CCSER1: variants seen among roughly 807,000 people sequenced by gnomAD.
CCSER1 encodes coiled-coil serine rich protein 1, also known as serine-rich coiled-coil domain-containing protein 1.
CCSER1 carries 41 observed loss-of-function variants against 82.0 expected under a neutral mutation model. The observed-to-expected ratio is 0.50, with a 90% CI of 0.39 to 0.65. CCSER1 has a LOEUF of 0.65. Among genes scored for constraint, CCSER1 ranks in the 30% least tolerant of loss-of-function variants. CCSER1 has a pLI of 0.00. For synonymous variants in CCSER1, 414 were observed against 383.9 expected, an observed-to-expected ratio of 1.08 and a Z score of -0.92; for missense variants, 1,119 against 1,064.2, an observed-to-expected ratio of 1.05 and a Z score of -0.72.
At chr4:90,652,166 G>A (rs1728874811) in intron 6 of CCSER1, among the ~76,000 whole-genome samples, 1 of 151,906 alleles carries the variant, frequency 6.6e-6, no homozygotes, top group Non-Finnish European at 1.5e-5. Context: ...TAATTTATAA[G>A]TAAATTTTAA....
intron 6 of CCSER1, among the ~76,000 whole-genome samples, chr4:90,684,751 G>A (rs1734497887): frequency 6.6e-6 from 1 of 152,058 alleles, no homozygotes; most frequent in South Asian, 2.1e-4. Context: ...ATTGAATCAT[G>A]GGGGCAGATA....
chr4:90,412,631 G>C (rs1755065195), intron 4 of CCSER1, among the ~76,000 whole-genome samples: 1 of 151,370 alleles, frequency 6.6e-6, no homozygotes, highest in South Asian at 2.1e-4. Context: ...TGACACACAA[G>C]CAAAACAGAA....
intron 10 of CCSER1, among the ~76,000 whole-genome samples, chr4:91,572,730 G>C (rs763709194): frequency 6.6e-6 from 1 of 151,792 alleles, no homozygotes; most frequent in Non-Finnish European, 1.5e-5. Context: ...GGGAGGCCAA[G>C]GTGGGTGGAT....
At chr4:91,052,814 A>C (rs2148713132) in intron 9 of CCSER1, among the ~76,000 whole-genome samples, 1 of 152,248 alleles carries the variant, frequency 6.6e-6, no homozygotes, top group East Asian at 1.9e-4. Context: ...TAAAAACATT[A>C]TTTTGATAGG....
At chr4:90,224,044 G>A (rs1169184603) in intron 1 of CCSER1, among the ~76,000 whole-genome samples, 1 of 152,132 alleles carries the variant, frequency 6.6e-6, no homozygotes, top group Non-Finnish European at 1.5e-5. Flanking sequence ...AGTGCATATT[G>A]CCCTAGTACT....
chr4:91,196,238 AT>A (rs1388206876), intron 10 of CCSER1, among the ~76,000 whole-genome samples: 6 of 151,974 alleles, frequency 3.9e-5, no homozygotes, highest in Non-Finnish European at 8.8e-5. Flanking sequence ...CAAAGACTGC[AT>A]TTCTCTTCTA....
chr4:90,662,376 T>TTATACTATATTATATGGAATAA (rs987645084), intron 6 of CCSER1, among the ~76,000 whole-genome samples: 13 of 152,104 alleles, frequency 8.5e-5, no homozygotes, highest in African/African-American at 2.9e-4. Context: ...GGTCTGCTAC[T>TTATACTATATTATATGGAATAA]TATACTATAT....
At chr4:91,010,970 A>AT (rs1436171299) in intron 9 of CCSER1, among the ~76,000 whole-genome samples, 3 of 134,236 alleles carry the variant, frequency 2.2e-5, no homozygotes, top group African/African-American at 7.4e-5. Context: ...TTGGGGTGTC[A>AT]TATTTTCTTT....
chr4:90,682,264 TA>T (rs962015304), intron 6 of CCSER1, among the ~76,000 whole-genome samples: 9 of 148,416 alleles, frequency 6.1e-5, no homozygotes, highest in African/African-American at 1.5e-4. Flanking sequence ...CATACCCTAT[TA>T]AAAAAAAAGA....
At chr4:90,565,190 T>G (rs1024359308) in intron 5 of CCSER1, among the ~76,000 whole-genome samples, 4 of 151,854 alleles carry the variant, frequency 2.6e-5, no homozygotes, top group Non-Finnish European at 4.4e-5. Flanking sequence ...ATGTCTTCAA[T>G]TTTTTTTCAT....
rs70963094 is a variant in CCSER1 at position 90,898,269 on chromosome 4, C to CTTTTT, written c.2095-25075_2095-25071dup. ...CCTTACTTTTAAATCTTTAATCCAT[C>CTTTTT]TTTTTTTTTTTTTTTTTTTTTTTTT... On this transcript the variant is annotated intron_variant, in intron 8 of 10. Transcript: ENST00000509176. Among the ~76,000 whole-genome samples, 203 of 52,536 alleles carry CTTTTT rather than the reference C, an allele frequency of 3.9e-3. 34 individuals carry two copies. Among genetic ancestry groups the CTTTTT allele is most frequent in the Middle Eastern group, 0.02 (1 of 50 alleles). 34.5% of individuals were successfully genotyped at this position (52,536 alleles called of 152,430 possible). A position where few individuals can be genotyped will look rare whatever the true frequency, so the allele number is the denominator to read the frequency against.
chr4:90,146,837 G>A (rs1207553796), intron 1 of CCSER1, among the ~76,000 whole-genome samples: 1 of 152,014 alleles, frequency 6.6e-6, no homozygotes, highest in Non-Finnish European at 1.5e-5. Flanking sequence ...GGTCAAATCA[G>A]TATCAATGCT....
At chr4:91,302,703 C>G (rs1744760692) in intron 10 of CCSER1, among the ~76,000 whole-genome samples, 1 of 151,882 alleles carries the variant, frequency 6.6e-6, no homozygotes, top group South Asian at 2.1e-4. Flanking sequence ...GCCACTTTCC[C>G]TTTTCTCTGC....
intron 9 of CCSER1, among the ~76,000 whole-genome samples, chr4:91,061,460 A>G (rs17018005): frequency 0.17 from 25,919 of 151,936 alleles, 2,291 homozygotes; most frequent in Admixed American, 0.22. Context: ...CTGGGAAGGA[A>G]ATAACTACAG....
At chr4:90,400,170 C>T in intron 4 of CCSER1, 41 bp downstream of exon 4, 1 of 1,116,950 alleles carries the variant, frequency 9.0e-7, no homozygotes, top group Non-Finnish European at 1.3e-6. Context: ...CAACTCCTAC[C>T]CTGGTCAGTA....
rs749844489 is a variant in CCSER1 at position 90,932,968 on chromosome 4, A to G, written c.2172+9521A>G. Among the ~76,000 whole-genome samples the G allele has an allele frequency of 6.3e-3, 277 of 44,138 alleles. 43 individuals carry two copies. The highest frequency in any genetic ancestry group is 0.058 in the East Asian group (120 of 2,056). 29.0% of individuals were successfully genotyped at this position (44,138 alleles called of 152,430 possible). ...AAAGAAAGAAAGAAAGAAAGAAAGAAAGAAAGAAAGAAAGAGAAAGAAAGA... is the reference window on the plus strand; with the variant it reads ...AAAGAAAGAAAGAAAGAAAGAAAGAGAGAAAGAAAGAAAGAGAAAGAAAGA... On this transcript the variant is annotated intron_variant, in intron 9 of 10. Transcript: ENST00000509176.
At chr4:91,448,020 G>A (rs143266976) in intron 10 of CCSER1, among the ~76,000 whole-genome samples, 23 of 152,190 alleles carry the variant, frequency 1.5e-4, no homozygotes, top group African/African-American at 5.5e-4. Flanking sequence ...GTTGAGTAAT[G>A]TAATTTAGCA....
At chr4:91,236,407 C>T (rs947314118) in intron 10 of CCSER1, among the ~76,000 whole-genome samples, 3 of 151,554 alleles carry the variant, frequency 2.0e-5, no homozygotes, top group Admixed American at 1.3e-4. Flanking sequence ...CGCTTGAACC[C>T]GGGAGGTGGA....
intron 5 of CCSER1, among the ~76,000 whole-genome samples, chr4:90,614,555 T>C (rs978642528): frequency 1.3e-5 from 2 of 152,186 alleles, no homozygotes; most frequent in African/African-American, 2.4e-5. Context: ...GTTGCTGATA[T>C]GGAGAAAGTT....
Sources: allele counts gnomAD v4.1 joint callset (sites outside exome capture counted in the v4.1 genomes callset), GRCh38; gene constraint gnomAD v4.1.1; transcripts MANE v1.5; gene names NCBI Gene and HGNC (gene_info 2026-07-23, HGNC 2026-07-21).